The following CCDC186 variants were observed in gnomAD, a reference collection of about 807,000 sequenced individuals.
The protein encoded by CCDC186 is coiled-coil domain-containing protein 186.
Under a neutral mutation model 113.7 loss-of-function variants are expected in CCDC186, and 49 were observed. The observed-to-expected ratio is 0.43, with a 90% CI of 0.34 to 0.55. The LOEUF (loss-of-function observed/expected upper bound fraction) is 0.55. Among genes scored for constraint, CCDC186 ranks in the 20% least tolerant of loss-of-function variants. The pLI is 0.02. For missense variants in CCDC186, 890 were observed against 1,011.1 expected, an observed-to-expected ratio of 0.88 and a Z score of 1.62; for synonymous variants, 355 against 345.8, an observed-to-expected ratio of 1.03 and a Z score of -0.30.
chr10:114,125,456 A>G (rs568405990), intron 15 of CCDC186, among the ~76,000 whole-genome samples: 27 of 152,336 alleles, frequency 1.8e-4, no homozygotes, highest in African/African-American at 6.0e-4. Flanking sequence ...TTTAATGCAT[A>G]AAATGATTAC....
intron 13 of CCDC186, 47 bp from the exon 14 acceptor site, chr10:114,127,718 C>G: frequency 7.0e-7 from 1 of 1,419,878 alleles, no homozygotes; most frequent in Non-Finnish European, 9.8e-7. Flanking sequence ...AATCTAACAT[C>G]ACCTCTCATC....
chr10:114,149,332 G>GA lies in CCDC186; in HGVS notation c.888+1759dup, dbSNP rs1167238879. Among the ~76,000 whole-genome samples, 9 of 151,194 alleles carry GA rather than the reference G, an allele frequency of 6.0e-5. No individual in the cohort carries two copies. The East Asian group carries it at 1.5e-3, about 26-fold the overall frequency. On this transcript the variant is annotated intron_variant, in intron 4 of 15. Coordinates refer to ENST00000369287, the MANE Select transcript of CCDC186 (RefSeq NM_018017.4). The stretch of plus-strand genomic sequence containing the variant: ...ATTTGTTTTTTAAAAGCCAGGGGAG[G>GA]AAAAAAGAAAAAAACACAAGAATCT...
intron 4 of CCDC186, 92 bp downstream of exon 4, chr10:114,151,000 G>A: frequency 6.9e-7 from 1 of 1,443,030 alleles, no homozygotes; most frequent in Non-Finnish European, 9.4e-7. Flanking sequence ...ATACAATAGT[G>A]AGGTCCAAAA....
chr10:114,149,604 GA>G (rs2031759951), intron 4 of CCDC186, among the ~76,000 whole-genome samples: 4 of 37,884 alleles, frequency 1.1e-4, no homozygotes, highest in African/African-American at 3.7e-4. Context: ...GAAGGGAAGG[GA>G]AGGGAAGGGA....
At chr10:114,164,263 G>A (rs552923563) in intron 1 of CCDC186, among the ~76,000 whole-genome samples, 12 of 151,136 alleles carry the variant, frequency 7.9e-5, no homozygotes, top group African/African-American at 2.9e-4. Context: ...TGAGACTACA[G>A]GTGCCCATCA....
At chr10:114,163,930 C>T (rs2032250499) in intron 1 of CCDC186, among the ~76,000 whole-genome samples, 1 of 151,650 alleles carries the variant, frequency 6.6e-6, no homozygotes, top group Non-Finnish European at 1.5e-5. Context: ...TTCATCCAGG[C>T]AGGAATCCAG....
intron 2 of CCDC186, among the ~76,000 whole-genome samples, chr10:114,161,330 T>C (rs1344266278): frequency 6.6e-6 from 1 of 152,224 alleles, no homozygotes; most frequent in Non-Finnish European, 1.5e-5. Context: ...TAACAGCACA[T>C]GTCACAGAGA....
In CCDC186 at chr10:114,130,081, A is replaced by G. The variant is rs893140997; in HGVS notation, c.2102-110T>C. ...GGCAAAAATGGCATAGACAAGAGAA[A>G]GTTCTTGAATACATACTTTAGGCAG... On this transcript the variant is annotated intron_variant, in intron 12 of 15. Coordinates refer to ENST00000369287, the MANE Select transcript of CCDC186 (RefSeq NM_018017.4). The G allele has an allele frequency of 8.0e-6, 7 of 876,880 alleles. No homozygotes were observed. The African/African-American group carries it at 1.0e-4, about 13-fold the overall frequency. The allele number at this position is 876,880 out of a possible 1,614,324, so 54.3% of individuals were successfully genotyped here. A position where few individuals can be genotyped will look rare whatever the true frequency, so the allele number is the denominator to read the frequency against.
intron 3 of CCDC186, among the ~76,000 whole-genome samples, chr10:114,152,792 A>G (rs1359539096): frequency 3.3e-5 from 5 of 152,268 alleles, no homozygotes; most frequent in African/African-American, 9.6e-5. Flanking sequence ...AAAAGAGTGG[A>G]AAAAAATATA....
At chr10:114,171,339 A>C (rs12766045) in intron 1 of CCDC186, among the ~76,000 whole-genome samples, 13,045 of 152,000 alleles carry the variant, frequency 0.086, 673 homozygotes, top group Middle Eastern at 0.15. Flanking sequence ...AATTAAGAGA[A>C]CAGCCTGGGA....
Position 114,127,042 on chromosome 10 carries a change from T to TA in CCDC186, c.2393+418dup, listed in dbSNP as rs149401476. 7.0e-3 allele frequency among the ~76,000 whole-genome samples: 1,071 copies of TA among 152,132 alleles called. 12 individuals are homozygous for TA. Among genetic ancestry groups the TA allele is most frequent in the African/African-American group, 0.024 (1,000 of 41,498 alleles). ...GAGTGGTTGTAAGCAATCAATGAGA[T>TA]ACCGCCAAGCCACAGGCACAGCGCC... On this transcript the variant is annotated intron_variant, in intron 14 of 15. Transcript: ENST00000369287.
At position 114,174,195 on chromosome 10, in the gene CCDC186, A is replaced by G. The variant is rs1333224138; in HGVS notation, c.-242T>C. ...CAAACCCCTGCGGAGCTGACACATC[A>G]ACAAAGATGGCGGCGACACTGAAGC... On this transcript the variant is annotated 5_prime_UTR_variant, in exon 1 of 16. Coordinates refer to ENST00000369287, the MANE Select transcript of CCDC186 (RefSeq NM_018017.4). 2.3e-6 allele frequency: 1 copy of G among 438,234 alleles called. No individual in the cohort carries two copies. Among genetic ancestry groups the G allele is most frequent in the Non-Finnish European group, 4.8e-6 (1 of 209,442 alleles). 27.1% of individuals were successfully genotyped at this position (438,234 alleles called of 1,614,324 possible).
intron 14 of CCDC186, among the ~76,000 whole-genome samples, chr10:114,126,731 T>C (rs938325717): frequency 9.9e-5 from 15 of 152,270 alleles, no homozygotes; most frequent in African/African-American, 3.6e-4. Flanking sequence ...TGCTGTACTT[T>C]ATGCTCTTTC....
chr10:114,169,231 A>ATTT, intron 1 of CCDC186, among the ~76,000 whole-genome samples: 2 of 121,272 alleles, frequency 1.6e-5, no homozygotes, highest in Admixed American at 8.3e-5. Context: ...CTGTAGTACC[A>ATTT]TTCTTTTTTT....
chr10:114,138,053 A>T (rs2031328474), intron 6 of CCDC186, among the ~76,000 whole-genome samples: 1 of 89,336 alleles, frequency 1.1e-5, no homozygotes, highest in Non-Finnish European at 2.2e-5. Flanking sequence ...AAAAAAAAAA[A>T]AAAAAAAAAA....
chr10:114,157,742 G>A, intron 2 of CCDC186, 62 bp from the exon 3 acceptor site: 2 of 1,299,410 alleles, frequency 1.5e-6, no homozygotes, highest in South Asian at 1.3e-5. Context: ...AATAATATGT[G>A]GAATATAATT....
rs760138379 is a variant in CCDC186 at position 114,137,293 on chromosome 10, G to A, written c.1222-3C>T. The A allele has an allele frequency of 1.2e-6, 2 of 1,609,162 alleles. No homozygotes were observed. Among genetic ancestry groups the A allele is most frequent in the Non-Finnish European group, 1.7e-6 (2 of 1,176,524 alleles). ...TCTTTGAGTTTATCTTTGGTTTCCT[G>A]CATTGACAAAAGACAGAGACACAGT... On this transcript the variant is annotated splice_polypyrimidine_tract_variant and splice_region_variant and intron_variant, in intron 6 of 15. Coordinates refer to ENST00000369287, the MANE Select transcript of CCDC186 (RefSeq NM_018017.4).
At chr10:114,146,029 A>G (rs1466784576) in intron 4 of CCDC186, among the ~76,000 whole-genome samples, 8 of 152,102 alleles carry the variant, frequency 5.3e-5, no homozygotes, top group Admixed American at 5.2e-4. Flanking sequence ...ACTCCTCCAG[A>G]TCCCCTTTCC....
chr10:114,152,961 A>G (rs1484240500), intron 3 of CCDC186, among the ~76,000 whole-genome samples: 1 of 152,250 alleles, frequency 6.6e-6, no homozygotes, highest in East Asian at 1.9e-4. Context: ...CTAAGAATGT[A>G]GCATCAAAAT....
Sources: gnomAD v4.1 joint callset for allele counts (sites outside exome capture counted in the v4.1 genomes callset) on GRCh38, gnomAD v4.1.1 for gene constraint, MANE v1.5 for transcripts, NCBI Gene and HGNC (gene_info 2026-07-23, HGNC 2026-07-21) for gene names.